Variants in HS6ST1 observed in about 807,000 individuals in gnomAD.
HS6ST1 encodes heparan-sulfate 6-O-sulfotransferase 1.
A neutral mutation model predicts 25.2 loss-of-function variants in HS6ST1; 3 were observed. The ratio of observed to expected loss-of-function variants is 0.12; its 90% CI spans 0.05 to 0.31. The LOEUF (loss-of-function observed/expected upper bound fraction) is 0.31. HS6ST1 is among the 10% of genes least tolerant of loss of function. The probability of loss-of-function intolerance (pLI) is 1.00; values close to 1 mark genes in which losing one functional copy is unlikely to be tolerated. For synonymous variants in HS6ST1, 204 were observed against 275.1 expected (o/e 0.74, Z 2.56); for missense variants, 310 against 609.6 (o/e 0.51, Z 5.18).
intron 1 of HS6ST1, among the ~76,000 whole-genome samples, chr2:128,305,482 A>G (rs1694195091): frequency 6.6e-6 from 1 of 152,232 alleles, no homozygotes; most frequent in African/African-American, 2.4e-5. Context: ...CAGAGGCAGA[A>G]GAGGAGGGGC....
intron 1 of HS6ST1, among the ~76,000 whole-genome samples, chr2:128,302,352 T>A (rs949808099): frequency 6.6e-6 from 1 of 152,168 alleles, no homozygotes; most frequent in Non-Finnish European, 1.5e-5. Context: ...TCTGCATGTT[T>A]ACTGATGTGT....
chr2:128,311,459 A>G (rs1694288741), intron 1 of HS6ST1, among the ~76,000 whole-genome samples: 1 of 152,124 alleles, frequency 6.6e-6, no homozygotes, highest in Non-Finnish European at 1.5e-5. Flanking sequence ...CCACTCAGTA[A>G]CTGCTCCCCA....
rs188056426 is a variant in HS6ST1 at position 128,314,525 on chromosome 2, G to T, written c.527+3512C>A. On this transcript the variant is annotated intron_variant, in intron 1 of 1. Transcript: ENST00000259241. Reference sequence around the variant, plus strand: ...GCATCTGAGCAGACTGAAGGGAGGGGAGGAGCAGGCAGAAAAGTGGGAGAG... The same window carrying T: ...GCATCTGAGCAGACTGAAGGGAGGGTAGGAGCAGGCAGAAAAGTGGGAGAG... Among the ~76,000 whole-genome samples, 167 of 152,310 alleles carry T rather than the reference G, an allele frequency of 1.1e-3. 1 individual carries two copies. The highest frequency in any genetic ancestry group is 3.9e-3 in the African/African-American group (161 of 41,542).
At chr2:128,276,904 G>A (rs958651431) in intron 1 of HS6ST1, among the ~76,000 whole-genome samples, 1 of 152,172 alleles carries the variant, frequency 6.6e-6, no homozygotes, top group African/African-American at 2.4e-5. Flanking sequence ...GAGCAAGACA[G>A]GCTCCACAAA....
intron 1 of HS6ST1, among the ~76,000 whole-genome samples, chr2:128,287,926 C>T (rs931834341): frequency 6.6e-6 from 1 of 152,266 alleles, no homozygotes; most frequent in Non-Finnish European, 1.5e-5. Flanking sequence ...ATATTTCACA[C>T]CTGCCTGCCT....
intron 1 of HS6ST1, among the ~76,000 whole-genome samples, chr2:128,285,565 T>C (rs1416897052): frequency 6.6e-6 from 1 of 151,290 alleles, no homozygotes; most frequent in Middle Eastern, 3.2e-3. Context: ...CAGGGAAGGT[T>C]CTAGGACCAG....
Position 128,304,517 on chromosome 2 carries a change from C to A in HS6ST1, c.527+13520G>T, listed in dbSNP as rs149900040. ...GTCACAGACTGTAAGGCCCTGGCATCCCTCGGAGGCTGCCTTGCTAATGGA... is the reference window on the plus strand; with the variant it reads ...GTCACAGACTGTAAGGCCCTGGCATACCTCGGAGGCTGCCTTGCTAATGGA... On this transcript the variant is annotated intron_variant, in intron 1 of 1. Coordinates refer to ENST00000259241, the MANE Select transcript of HS6ST1 (RefSeq NM_004807.3). 6.9e-3 allele frequency among the ~76,000 whole-genome samples: 931 copies of A among 134,608 alleles called. 13 individuals carry two copies. The highest frequency in any genetic ancestry group is 0.024 in the African/African-American group (834 of 34,852). 88.3% of individuals were successfully genotyped at this position (134,608 alleles called of 152,430 possible).
At chr2:128,307,495 G>A (rs533449177) in intron 1 of HS6ST1, among the ~76,000 whole-genome samples, 9 of 152,358 alleles carry the variant, frequency 5.9e-5, no homozygotes, top group Admixed American at 5.9e-4. Flanking sequence ...ATGGAGAAAT[G>A]ATGAACAGGA....
chr2:128,314,508 G>A (rs1312911730), intron 1 of HS6ST1, among the ~76,000 whole-genome samples: 1 of 152,206 alleles, frequency 6.6e-6, no homozygotes, highest in Non-Finnish European at 1.5e-5. Context: ...GGGCATCTGA[G>A]CAGACTGAAG....
chr2:128,310,637 G>C (rs1694276634), intron 1 of HS6ST1, among the ~76,000 whole-genome samples: 2 of 151,824 alleles, frequency 1.3e-5, no homozygotes, highest in South Asian at 4.2e-4. Context: ...CTGGTGGCTG[G>C]ACATCCTCCC....
At chr2:128,275,601 A>G (rs1693681408) in intron 1 of HS6ST1, among the ~76,000 whole-genome samples, 1 of 152,218 alleles carries the variant, frequency 6.6e-6, no homozygotes, top group African/African-American at 2.4e-5. Context: ...CTGACCAACA[A>G]AGTGTATGGA....
rs201160903 is a variant in HS6ST1, at chr2:128,268,221, C to G, written c.1177G>C (p.Asp393His). 3.7e-6 allele frequency: 6 copies of G among 1,609,984 alleles called. No individual in the cohort carries two copies. Among genetic ancestry groups the G allele is most frequent in the Non-Finnish European group, 5.1e-6 (6 of 1,178,904 alleles). The change falls in exon 2 of 2, where the codon GAC becomes CAC. Residue 393 changes from aspartate to histidine, a missense_variant. By Grantham distance (81) the Asp-to-His change is moderately conservative (BLOSUM62 -1). Around this residue, in one of 5 missense-constraint regions of HS6ST1, gnomAD observed 140 missense variants for 176.5 expected, o/e 0.79. Coordinates refer to ENST00000259241, the MANE Select transcript of HS6ST1 (RefSeq NM_004807.3). ...TCGGTGGGCACGCGGCCCGGCTCGT[C>G]GGCATCCTCCCGCGGCAGTGCCTCC... ...AKEALPREDA[D>H]EPGRVPTEDY... is the part of the protein sequence containing the mutation.
Position 128,266,796 on chromosome 2 carries a change from T to G in HS6ST1, c.*1366A>C, listed in dbSNP as rs1188636149. On this transcript the variant is annotated 3_prime_UTR_variant, in exon 2 of 2. Transcript: ENST00000259241. Reference sequence around the variant, plus strand: ...CCCTCCTAGAGACACCAGCTTGGCCTCCTAGGGCATAAGGAATGGGGACAG... The same window carrying G: ...CCCTCCTAGAGACACCAGCTTGGCCGCCTAGGGCATAAGGAATGGGGACAG... 6.6e-6 allele frequency: 1 copy of G among 152,248 alleles called. No individual in the cohort carries two copies. Among genetic ancestry groups the G allele is most frequent in the Non-Finnish European group, 1.5e-5 (1 of 68,090 alleles). The allele number at this position is 152,248 out of a possible 1,614,324, so 9.4% of individuals were successfully genotyped here. A position where few individuals can be genotyped will look rare whatever the true frequency, so the allele number is the denominator to read the frequency against.
intron 1 of HS6ST1, among the ~76,000 whole-genome samples, chr2:128,272,590 C>T (rs1168342033): frequency 6.6e-6 from 1 of 152,176 alleles, no homozygotes; most frequent in African/African-American, 2.4e-5. Context: ...TCTCTGCCTG[C>T]GCCTGCAGGG....
chr2:128,298,245 G>C (rs955074431), intron 1 of HS6ST1, among the ~76,000 whole-genome samples: 4 of 152,166 alleles, frequency 2.6e-5, no homozygotes, highest in Non-Finnish European at 5.9e-5. Context: ...AGCTACTGTA[G>C]AAAGCAGTAT....
At chr2:128,270,099 G>A (rs115566428) in intron 1 of HS6ST1, among the ~76,000 whole-genome samples, 5,541 of 152,306 alleles carry the variant, frequency 0.036, 133 homozygotes, top group Non-Finnish European at 0.057. Context: ...TGAAGCAGGC[G>A]GGGTAGCCAG....
chr2:128,296,633 A>C (rs1401851767), intron 1 of HS6ST1, among the ~76,000 whole-genome samples: 1 of 152,236 alleles, frequency 6.6e-6, no homozygotes, highest in African/African-American at 2.4e-5. Context: ...CAGAAAGTGT[A>C]AAATATTTAG....
chr2:128,288,467 A>T (rs531688374), intron 1 of HS6ST1, among the ~76,000 whole-genome samples: 1 of 152,274 alleles, frequency 6.6e-6, no homozygotes, highest in African/African-American at 2.4e-5. Context: ...ACTCTGCATT[A>T]ACACAGAAGC....
intron 1 of HS6ST1, among the ~76,000 whole-genome samples, chr2:128,278,356 A>G (rs1693727397): frequency 6.6e-6 from 1 of 152,224 alleles, no homozygotes; most frequent in South Asian, 2.1e-4. Flanking sequence ...CCAGCCAGAA[A>G]TGAGACTTCA....
Sources: allele counts gnomAD v4.1 joint callset (sites outside exome capture counted in the v4.1 genomes callset), GRCh38; gene constraint gnomAD v4.1.1; regional missense constraint gnomAD v4.1.1; transcripts MANE v1.5; gene names NCBI Gene and HGNC (gene_info 2026-07-23, HGNC 2026-07-21).